GALNTL6: variants seen among roughly 807,000 people sequenced by gnomAD.
GALNTL6 encodes polypeptide N-acetylgalactosaminyltransferase like 6.
Under a neutral mutation model 73.7 loss-of-function variants are expected in GALNTL6, and 46 were observed. The observed-to-expected ratio is 0.62, with a 90% CI of 0.49 to 0.80. The LOEUF is 0.80. GALNTL6 is among the 30% of genes least tolerant of loss of function. GALNTL6 has a pLI of 0.00. For synonymous variants in GALNTL6, 259 were observed against 263.7 expected, an observed-to-expected ratio of 0.98 and a Z score of 0.17; for missense variants, 604 against 755.0, an observed-to-expected ratio of 0.80 and a Z score of 2.34.
intron 2 of GALNTL6, among the ~76,000 whole-genome samples, chr4:171,904,899 T>C (rs1005252306): frequency 6.6e-6 from 1 of 152,056 alleles, no homozygotes; most frequent in African/African-American, 2.4e-5. Flanking sequence ...AAACTAAGCT[T>C]CATAAGTGAA....
intron 5 of GALNTL6, among the ~76,000 whole-genome samples, chr4:172,561,894 G>C (rs1412651180): frequency 6.6e-6 from 1 of 152,088 alleles, no homozygotes; most frequent in Non-Finnish European, 1.5e-5. Context: ...GTCTGAAATT[G>C]TCTCAAGTGC....
At chr4:172,370,975 C>A (rs900428287) in intron 5 of GALNTL6, among the ~76,000 whole-genome samples, 1 of 152,140 alleles carries the variant, frequency 6.6e-6, no homozygotes, top group Non-Finnish European at 1.5e-5. Context: ...AGTTGAAAAC[C>A]TTGTAAGTTT....
At chr4:171,986,932 C>G (rs9762824) in intron 2 of GALNTL6, among the ~76,000 whole-genome samples, 12,648 of 152,134 alleles carry the variant, frequency 0.083, 690 homozygotes, top group African/African-American at 0.15. Flanking sequence ...TGATGGCTTG[C>G]AGAAACAGTG....
At chr4:172,648,145 T>C (rs930549028) in intron 5 of GALNTL6, among the ~76,000 whole-genome samples, 1 of 152,116 alleles carries the variant, frequency 6.6e-6, no homozygotes, top group Non-Finnish European at 1.5e-5. Flanking sequence ...CAGATTGGCT[T>C]ACTGGATTAC....
At chr4:171,986,912 AT>A (rs1230772224) in intron 2 of GALNTL6, among the ~76,000 whole-genome samples, 1 of 152,160 alleles carries the variant, frequency 6.6e-6, no homozygotes, top group Non-Finnish European at 1.5e-5. Flanking sequence ...GTACCAGGAG[AT>A]ATCAGCTGTG....
intron 4 of GALNTL6, among the ~76,000 whole-genome samples, chr4:172,328,056 A>G (rs1741003524): frequency 6.6e-6 from 1 of 152,030 alleles, no homozygotes; most frequent in South Asian, 2.1e-4. Context: ...TGCTCTTTTC[A>G]GGATTTTTTA....
intron 2 of GALNTL6, among the ~76,000 whole-genome samples, chr4:172,041,358 A>G (rs1742081850): frequency 6.6e-6 from 1 of 152,104 alleles, no homozygotes; most frequent in Admixed American, 6.6e-5. Context: ...TATCAATTAT[A>G]TTAAGAAAAA....
intron 2 of GALNTL6, among the ~76,000 whole-genome samples, chr4:171,971,012 C>G (rs1739553521): frequency 6.6e-6 from 1 of 152,152 alleles, no homozygotes; most frequent in African/African-American, 2.4e-5. Flanking sequence ...CAGGGTTGAA[C>G]TGAGGGCCAA....
rs571036056 is a variant in GALNTL6 at position 172,990,668 on chromosome 4, G to A, written c.1372-18510G>A. Among the ~76,000 whole-genome samples, 179 of 152,166 alleles carry A rather than the reference G, an allele frequency of 1.2e-3. 1 individual carries two copies. The Middle Eastern group carries it at 0.017, about 14-fold the overall frequency. ...TATAGCTGATTATAAACTGCCGTTT[G>A]TAAAGGATCAAAACAAGATAACAAT... On this transcript the variant is annotated intron_variant, in intron 10 of 12. Transcript: ENST00000506823.
chr4:171,838,766 A>G (rs1229167549), intron 2 of GALNTL6, among the ~76,000 whole-genome samples: 1 of 152,196 alleles, frequency 6.6e-6, no homozygotes, highest in Admixed American at 6.5e-5. Context: ...AAATGCATAG[A>G]GAATGGACAC....
chr4:172,216,397 A>C (rs183412956), intron 2 of GALNTL6, among the ~76,000 whole-genome samples: 250 of 152,154 alleles, frequency 1.6e-3, no homozygotes, highest in African/African-American at 5.4e-3. Flanking sequence ...AGTTTCTAAA[A>C]ATATGTCCTT....
intron 7 of GALNTL6, among the ~76,000 whole-genome samples, chr4:172,821,936 A>C (rs1375890586): frequency 6.6e-6 from 1 of 152,116 alleles, no homozygotes; most frequent in Non-Finnish European, 1.5e-5. Flanking sequence ...TTGGCTCTGG[A>C]GGCCCCTGGC....
chr4:172,204,439 T>C (rs1216086992), intron 2 of GALNTL6, among the ~76,000 whole-genome samples: 1 of 152,192 alleles, frequency 6.6e-6, no homozygotes. Flanking sequence ...AGTGGTCTCC[T>C]TCAATCCTCA....
intron 2 of GALNTL6, among the ~76,000 whole-genome samples, chr4:172,028,313 A>C (rs545868659): frequency 7.4e-6 from 1 of 134,776 alleles, no homozygotes; most frequent in Non-Finnish European, 1.7e-5. Flanking sequence ...AACTTCAAAA[A>C]AATATAAAGT....
chr4:172,319,056 C>T (rs916290235), intron 4 of GALNTL6, among the ~76,000 whole-genome samples: 13 of 152,158 alleles, frequency 8.5e-5, no homozygotes, highest in African/African-American at 2.9e-4. Flanking sequence ...TCCCCTTCCT[C>T]GTTTTACTCC....
rs75665504 is a variant in GALNTL6, at chr4:172,572,083, T to C, written c.553+223394T>C. ...CAGACTGAAATGATGATTGTGACAA[T>C]TATTGACTATTACCTCCTAGCAAGT... On this transcript the variant is annotated intron_variant, in intron 5 of 12. Coordinates refer to ENST00000506823, the MANE Select transcript of GALNTL6 (RefSeq NM_001034845.3). Among the ~76,000 whole-genome samples the C allele has an allele frequency of 5.5e-3, 830 of 152,266 alleles. 9 individuals carry two copies. Among genetic ancestry groups the C allele is most frequent in the African/African-American group, 0.019 (777 of 41,546 alleles).
intron 5 of GALNTL6, among the ~76,000 whole-genome samples, chr4:172,437,752 T>A (rs1373032477): frequency 2.6e-5 from 4 of 152,094 alleles, no homozygotes; most frequent in Admixed American, 2.6e-4. Flanking sequence ...TATCTAAATT[T>A]ATCCAGGCTT....
chr4:171,868,562 T>C (rs967762760), intron 2 of GALNTL6, among the ~76,000 whole-genome samples: 2 of 152,232 alleles, frequency 1.3e-5, no homozygotes, highest in South Asian at 4.1e-4. Context: ...CTTTTCTGCC[T>C]CAGGAAATTA....
chr4:172,064,359 G>A (rs1043018991), intron 2 of GALNTL6, among the ~76,000 whole-genome samples: 1 of 152,174 alleles, frequency 6.6e-6, no homozygotes, highest in Non-Finnish European at 1.5e-5. Context: ...AACCATTAAA[G>A]TTAATGTCTG....
Sources: allele counts gnomAD v4.1 joint callset (sites outside exome capture counted in the v4.1 genomes callset), GRCh38; gene constraint gnomAD v4.1.1; transcripts MANE v1.5; gene names NCBI Gene and HGNC (gene_info 2026-07-23, HGNC 2026-07-21).